The following DENND5B variants were observed in gnomAD, a reference collection of about 807,000 sequenced individuals.
DENND5B encodes DENN domain containing 5B, also known as DENN domain-containing protein 5B.
DENND5B carries 34 observed loss-of-function variants against 140.6 expected under a neutral mutation model. The observed-to-expected ratio is 0.24, with a 90% CI of 0.18 to 0.32. DENND5B has a LOEUF of 0.32. Among genes scored for constraint, DENND5B ranks in the 10% least tolerant of loss-of-function variants. The pLI, the probability that DENND5B is intolerant of heterozygous loss-of-function variation, is 1.00. For synonymous variants in DENND5B, 551 were observed against 562.1 expected (o/e 0.98, Z 0.28); for missense variants, 1,142 against 1,560.2 (o/e 0.73, Z 4.52).
intron 4 of DENND5B, among the ~76,000 whole-genome samples, chr12:31,453,032 A>G (rs1944611834): frequency 6.6e-6 from 1 of 152,218 alleles, no homozygotes; most frequent in South Asian, 2.1e-4. Context: ...CAGAATTGAC[A>G]ATAATCACCA....
At chr12:31,526,093 C>T (rs990942259) in intron 1 of DENND5B, among the ~76,000 whole-genome samples, 1 of 152,142 alleles carries the variant, frequency 6.6e-6, no homozygotes, top group Admixed American at 6.5e-5. Flanking sequence ...TAATAATTTC[C>T]TCTGTGCTGT....
At chr12:31,570,300 G>A (rs868322889) in intron 1 of DENND5B, among the ~76,000 whole-genome samples, 57 of 147,752 alleles carry the variant, frequency 3.9e-4, no homozygotes, top group African/African-American at 1.3e-3. Flanking sequence ...TTTAAGAGAC[G>A]GAGTCTCACT....
intron 1 of DENND5B, among the ~76,000 whole-genome samples, chr12:31,525,300 A>G (rs1948047652): frequency 6.6e-6 from 1 of 152,226 alleles, no homozygotes; most frequent in South Asian, 2.1e-4. Flanking sequence ...AATTTCCATC[A>G]ACTGATGAAT....
intron 1 of DENND5B, among the ~76,000 whole-genome samples, chr12:31,542,820 G>C (rs1948730583): frequency 6.6e-6 from 1 of 152,068 alleles, no homozygotes; most frequent in South Asian, 2.1e-4. Context: ...ACCTCAGTGT[G>C]GTGGCATGCA....
chr12:31,526,714 A>G (rs535435918), intron 1 of DENND5B, among the ~76,000 whole-genome samples: 1 of 152,274 alleles, frequency 6.6e-6, no homozygotes, highest in Non-Finnish European at 1.5e-5. Flanking sequence ...TGAAGCCTGG[A>G]GTTTAGTTAA....
At chr12:31,462,910 G>C (rs1945084171) in intron 3 of DENND5B, among the ~76,000 whole-genome samples, 1 of 151,870 alleles carries the variant, frequency 6.6e-6, no homozygotes, top group African/African-American at 2.4e-5. Flanking sequence ...AGTGAGCCGG[G>C]ATTGCACTAC....
chr12:31,385,953 G>C lies in DENND5B; in HGVS notation c.*1650C>G, dbSNP rs1388916974. ...GGCCTCCCAAAGTGCTGGGATCATA[G>C]GCGTGAGCCACCGCACCCGGCTCCA... On this transcript the variant is annotated 3_prime_UTR_variant, in exon 21 of 21. Transcript: ENST00000389082. 6.6e-6 allele frequency: 1 copy of C among 152,334 alleles called. No individual in the cohort carries two copies. Among genetic ancestry groups the C allele is most frequent in the Non-Finnish European group, 1.5e-5 (1 of 68,126 alleles). 9.4% of individuals were successfully genotyped at this position (152,334 alleles called of 1,614,324 possible).
chr12:31,414,201 CCACTG>C (rs1411492647), intron 12 of DENND5B, among the ~76,000 whole-genome samples: 8 of 152,056 alleles, frequency 5.3e-5, no homozygotes, highest in Admixed American at 5.3e-4. Context: ...AGTGCATGAC[CCACTG>C]CACTTGGATC....
intron 1 of DENND5B, among the ~76,000 whole-genome samples, chr12:31,510,274 G>C (rs1164884420): frequency 1.3e-5 from 2 of 152,162 alleles, no homozygotes; most frequent in Non-Finnish European, 2.9e-5. Context: ...CCTGTTGACA[G>C]GGCTGCATTC....
chr12:31,556,428 C>T (rs1172927474), intron 1 of DENND5B, among the ~76,000 whole-genome samples: 1 of 152,094 alleles, frequency 6.6e-6, no homozygotes, highest in Non-Finnish European at 1.5e-5. Flanking sequence ...TCTTGAACTC[C>T]CGACCTCAGC....
At chr12:31,559,417 T>C (rs928414951) in intron 1 of DENND5B, among the ~76,000 whole-genome samples, 24 of 152,316 alleles carry the variant, frequency 1.6e-4, no homozygotes, top group African/African-American at 5.8e-4. Context: ...TTATCATTCA[T>C]TACCATGTAC....
chr12:31,428,567 A>G (rs1371033939), intron 8 of DENND5B, among the ~76,000 whole-genome samples: 4 of 150,210 alleles, frequency 2.7e-5, no homozygotes, highest in Non-Finnish European at 5.9e-5. Context: ...ATGCCCAGCT[A>G]ATTTTTGTAT....
At chr12:31,426,210 TG>T (rs1943225570) in intron 9 of DENND5B, 82 bp downstream of exon 9, 32 of 1,441,656 alleles carry the variant, frequency 2.2e-5, no homozygotes, top group Non-Finnish European at 2.9e-5. Context: ...CATGCTTAAA[TG>T]GGGGTTAACT....
chr12:31,551,005 T>C (rs1278854860), intron 1 of DENND5B, among the ~76,000 whole-genome samples: 2 of 152,202 alleles, frequency 1.3e-5, no homozygotes, highest in Non-Finnish European at 2.9e-5. Flanking sequence ...TCTCCCATTT[T>C]GTAGGTTGCC....
At position 31,538,220 on chromosome 12, in the gene DENND5B, T is replaced by C. The variant is rs184457564; in HGVS notation, c.128-42301A>G. On this transcript the variant is annotated intron_variant, in intron 1 of 20. Coordinates refer to ENST00000389082, the MANE Select transcript of DENND5B (RefSeq NM_144973.4). ...AAAGCTGCAGAGTACACATTCTTTT[T>C]CCTCAGCACATGGATCATTCTCAAG... 1.4e-3 allele frequency among the ~76,000 whole-genome samples: 215 copies of C among 152,302 alleles called. 3 individuals are homozygous for C. The highest frequency in any genetic ancestry group is 5.0e-3 in the African/African-American group (208 of 41,566).
At chr12:31,389,590 G>A (rs1462108595) in intron 19 of DENND5B, 92 bp from the exon 20 acceptor site, 7 of 1,276,946 alleles carry the variant, frequency 5.5e-6, no homozygotes, top group East Asian at 5.1e-5. Flanking sequence ...AAACACTAAC[G>A]ATGCTTTGCA....
At chr12:31,457,018 A>C (rs1373381395) in intron 4 of DENND5B, among the ~76,000 whole-genome samples, 8 of 152,216 alleles carry the variant, frequency 5.3e-5, no homozygotes. Context: ...CAGGAGGTCA[A>C]GGCTGCAGTG....
At chr12:31,469,539 T>C (rs1404961758) in intron 3 of DENND5B, among the ~76,000 whole-genome samples, 1 of 152,170 alleles carries the variant, frequency 6.6e-6, no homozygotes, top group Non-Finnish European at 1.5e-5. Context: ...AGTGCTTTCT[T>C]GAGTTCTGTG....
chr12:31,461,168 C>G (rs1332736065), intron 3 of DENND5B, among the ~76,000 whole-genome samples: 1 of 152,162 alleles, frequency 6.6e-6, no homozygotes, highest in African/African-American at 2.4e-5. Flanking sequence ...CAACCTCCAT[C>G]AGAGGCTTTT....
Sources: gnomAD v4.1 joint callset for allele counts (sites outside exome capture counted in the v4.1 genomes callset) on GRCh38, gnomAD v4.1.1 for gene constraint, MANE v1.5 for transcripts, NCBI Gene and HGNC (gene_info 2026-07-23, HGNC 2026-07-21) for gene names.